Variants in TTLL5 observed in about 807,000 individuals in gnomAD.
TTLL5 encodes tubulin polyglutamylase TTLL5.
A neutral mutation model predicts 168.4 loss-of-function variants in TTLL5; 132 were observed. The observed-to-expected ratio is 0.78, with a 90% CI of 0.68 to 0.91. TTLL5 has a LOEUF of 0.91. TTLL5 is among the 40% of genes least tolerant of loss of function. The probability of loss-of-function intolerance (pLI) is 0.00; values close to 1 mark genes in which losing one functional copy is unlikely to be tolerated. For missense variants in TTLL5, 1,545 were observed against 1,581.5 expected (o/e 0.98, Z 0.39); for synonymous variants, 546 against 558.6 (o/e 0.98, Z 0.32).
At chr14:75,821,691 A>C (rs1260284164) in intron 28 of TTLL5, among the ~76,000 whole-genome samples, 3 of 152,134 alleles carry the variant, frequency 2.0e-5, no homozygotes, top group African/African-American at 7.2e-5. Flanking sequence ...AGTGAGATGA[A>C]AGATGATGAG....
chr14:75,681,752 C>A, intron 4 of TTLL5, 125 bp downstream of exon 4: 1 of 703,304 alleles, frequency 1.4e-6, no homozygotes. Context: ...TAGTGGTGGT[C>A]CAGAACTCAG....
At chr14:75,932,793 A>G (rs2034317022) in intron 31 of TTLL5, among the ~76,000 whole-genome samples, 1 of 152,152 alleles carries the variant, frequency 6.6e-6, no homozygotes, top group African/African-American at 2.4e-5. Context: ...GTGCTTTGCT[A>G]TGCACTCAAA....
chr14:75,902,876 A>T (rs915727784), intron 31 of TTLL5, among the ~76,000 whole-genome samples: 10 of 152,254 alleles, frequency 6.6e-5, no homozygotes, highest in Non-Finnish European at 1.5e-4. Context: ...AGAAAATAAC[A>T]TGCTGGGCAC....
intron 12 of TTLL5, among the ~76,000 whole-genome samples, chr14:75,729,093 T>C (rs1468419320): frequency 6.6e-6 from 1 of 152,198 alleles, no homozygotes; most frequent in East Asian, 1.9e-4. Flanking sequence ...GGTAGGAAGC[T>C]AAGTTTGCTT....
At chr14:75,896,309 T>TTTTTG (rs1006186097) in intron 30 of TTLL5, among the ~76,000 whole-genome samples, 2 of 152,122 alleles carry the variant, frequency 1.3e-5, no homozygotes, top group African/African-American at 4.8e-5. Flanking sequence ...GGGTATGTAT[T>TTTTTG]TTTTGTTTTG....
chr14:75,729,343 A>G (rs1888387086), intron 12 of TTLL5, among the ~76,000 whole-genome samples: 1 of 152,208 alleles, frequency 6.6e-6, no homozygotes, highest in South Asian at 2.1e-4. Context: ...TACTGCTGCC[A>G]AAACACTCAA....
chr14:75,777,404 G>T (rs551758653), intron 23 of TTLL5, among the ~76,000 whole-genome samples: 12 of 152,248 alleles, frequency 7.9e-5, no homozygotes, highest in Non-Finnish European at 1.5e-4. Flanking sequence ...CTCTGTGAGG[G>T]TTACACCTAA....
At chr14:75,823,104 T>C (rs1316542388) in intron 28 of TTLL5, among the ~76,000 whole-genome samples, 2 of 152,226 alleles carry the variant, frequency 1.3e-5, no homozygotes, top group African/African-American at 4.8e-5. Flanking sequence ...CTTAGAATTA[T>C]ACAGTAGGGA....
At chr14:75,745,676 C>T in intron 17 of TTLL5, 95 bp downstream of exon 17, 1 of 949,184 alleles carries the variant, frequency 1.1e-6, no homozygotes, top group South Asian at 1.6e-5. Context: ...CCCGATGATG[C>T]TTTTCTTATT....
At chr14:75,671,307 G>A (rs1883726229) in intron 3 of TTLL5, among the ~76,000 whole-genome samples, 1 of 152,108 alleles carries the variant, frequency 6.6e-6, no homozygotes, top group African/African-American at 2.4e-5. Flanking sequence ...CCGTACCTTT[G>A]TATTAAGTTT....
At chr14:75,714,091 A>C (rs1887271864) in intron 9 of TTLL5, among the ~76,000 whole-genome samples, 1 of 152,078 alleles carries the variant, frequency 6.6e-6, no homozygotes. Flanking sequence ...GCATTTTTGA[A>C]GATTACAGGC....
intron 21 of TTLL5, 79 bp from the exon 22 acceptor site, chr14:75,775,401 TTATA>T: frequency 6.8e-7 from 1 of 1,481,052 alleles, no homozygotes; most frequent in Non-Finnish European, 9.2e-7. Context: ...TCCATCTCTG[TTATA>T]TAATGCCTTC....
At chr14:75,709,144 A>G (rs1158494931) in intron 9 of TTLL5, 3 of 751,272 alleles carry the variant, frequency 4.0e-6, no homozygotes, top group Non-Finnish European at 7.3e-6. Flanking sequence ...CGACAAGCTA[A>G]AAAAGCCTGG....
chr14:75,735,142 C>A, intron 14 of TTLL5, 53 bp from the exon 15 acceptor site: 1 of 1,548,590 alleles, frequency 6.5e-7, no homozygotes, highest in Non-Finnish European at 8.9e-7. Context: ...GCAGCCAGAC[C>A]TGCTAATTTC....
intron 18 of TTLL5, among the ~76,000 whole-genome samples, chr14:75,755,013 C>T (rs993722211): frequency 6.6e-6 from 1 of 152,000 alleles, no homozygotes; most frequent in African/African-American, 2.4e-5. Flanking sequence ...GCCTGTAATC[C>T]CAGCACTTTG....
rs1344412472 is a variant in TTLL5 at position 75,771,831 on chromosome 14, G to A, written c.2113G>A (p.Ala705Thr). The A allele has an allele frequency of 6.2e-7, 1 of 1,613,866 alleles. No homozygotes were observed. Among genetic ancestry groups the A allele is most frequent in the Middle Eastern group, 1.7e-4 (1 of 6,056 alleles). ...SGGQTFSASW[A>T]AKEDEQMELV... Reference sequence around the variant, plus strand: ...CGGTCAGACGTTCAGTGCCAGTTGGGCTGCCAAAGAGGATGAACAGATGGT... The same window carrying A: ...CGGTCAGACGTTCAGTGCCAGTTGGACTGCCAAAGAGGATGAACAGATGGT... The change falls in exon 21 of 32, where the codon GCT becomes ACT. Residue 705 changes from alanine (A) to threonine (T), a missense_variant. Transcript: ENST00000298832.
intron 28 of TTLL5, among the ~76,000 whole-genome samples, chr14:75,833,752 T>A (rs147268598): frequency 6.6e-6 from 1 of 152,164 alleles, no homozygotes; most frequent in Non-Finnish European, 1.5e-5. Flanking sequence ...ACATTAGAAA[T>A]GTTAAAAATG....
intron 29 of TTLL5, among the ~76,000 whole-genome samples, chr14:75,876,654 AGT>A (rs1338853905): frequency 6.6e-6 from 1 of 152,218 alleles, no homozygotes; most frequent in Non-Finnish European, 1.5e-5. Context: ...AGTACTGCCC[AGT>A]GCTTTATAGC....
chr14:75,861,449 T>C (rs959179589), intron 28 of TTLL5, among the ~76,000 whole-genome samples: 3 of 152,154 alleles, frequency 2.0e-5, no homozygotes, highest in African/African-American at 7.2e-5. Flanking sequence ...TGTTGAGTCA[T>C]CAGGACCCAG....
Sources: allele counts gnomAD v4.1 joint callset (sites outside exome capture counted in the v4.1 genomes callset), GRCh38; gene constraint gnomAD v4.1.1; transcripts MANE v1.5; gene names NCBI Gene and HGNC (gene_info 2026-07-23, HGNC 2026-07-21).